GRXCR2: variants seen among roughly 807,000 people sequenced by gnomAD.
GRXCR2 encodes glutaredoxin and cysteine rich domain containing 2.
GRXCR2 carries 23 observed loss-of-function variants against 24.8 expected under a neutral mutation model. The observed-to-expected ratio is 0.93, with a 90% CI of 0.67 to 1.32. The LOEUF is 1.32. Among genes scored for constraint, GRXCR2 ranks in the 40% most tolerant of loss-of-function variants. GRXCR2 has a pLI of 0.00. For synonymous variants in GRXCR2, 130 were observed against 116.1 expected, an observed-to-expected ratio of 1.12 and a Z score of -0.77; for missense variants, 315 against 303.4, an observed-to-expected ratio of 1.04 and a Z score of -0.28.
chr5:145,882,879 G>A (rs1756722882), intron 2 of GRXCR2, among the ~76,000 whole-genome samples: 1 of 152,080 alleles, frequency 6.6e-6, no homozygotes, highest in Non-Finnish European at 1.5e-5. Context: ...GCAGGGACAT[G>A]GATGAAGCTG....
At chr5:145,884,809 C>T (rs546839285) in intron 2 of GRXCR2, among the ~76,000 whole-genome samples, 19 of 152,128 alleles carry the variant, frequency 1.2e-4, no homozygotes, top group Admixed American at 5.2e-4. Context: ...TGCTTTTTTG[C>T]ATTTTCACTT....
chr5:145,924,675 G>A (rs1757366344), intron 2 of GRXCR2, among the ~76,000 whole-genome samples: 1 of 152,156 alleles, frequency 6.6e-6, no homozygotes, highest in Non-Finnish European at 1.5e-5. Context: ...CTCAAGCACT[G>A]GCTGGGATAA....
At chr5:145,857,837 A>G (rs1756263537), downstream of GRXCR2, among the ~76,000 whole-genome samples, 1 of 152,122 alleles carries the variant, frequency 6.6e-6, no homozygotes, top group Non-Finnish European at 1.5e-5. Context: ...ATCCTATCCC[A>G]GCACTTGTCA....
At chr5:145,885,329 G>A (rs991687429) in intron 2 of GRXCR2, among the ~76,000 whole-genome samples, 94 of 152,228 alleles carry the variant, frequency 6.2e-4, no homozygotes, top group African/African-American at 2.3e-3. Flanking sequence ...CTAGGGCAAC[G>A]TTTCAAGAGA....
intron 2 of GRXCR2, among the ~76,000 whole-genome samples, chr5:145,914,969 GA>G (rs1485596257): frequency 2.0e-5 from 3 of 152,196 alleles, no homozygotes; most frequent in African/African-American, 7.2e-5. Context: ...CTTGCATTAG[GA>G]TCACCAGAGG....
chr5:145,911,731 G>A (rs1250194900), intron 2 of GRXCR2, among the ~76,000 whole-genome samples: 1 of 152,176 alleles, frequency 6.6e-6, no homozygotes. Context: ...CACATAGAAT[G>A]TATTCTACTC....
chr5:145,915,279 T>G (rs898230291), intron 2 of GRXCR2, among the ~76,000 whole-genome samples: 5 of 152,188 alleles, frequency 3.3e-5, no homozygotes, highest in East Asian at 1.9e-4. Flanking sequence ...TGGTTATTTT[T>G]GGGTAGTGTT....
chr5:145,883,088 G>A (rs926767568), intron 2 of GRXCR2, among the ~76,000 whole-genome samples: 7 of 151,466 alleles, frequency 4.6e-5, no homozygotes, highest in Admixed American at 1.3e-4. Flanking sequence ...GAGTTAATGG[G>A]TGCAGCAAAC....
chr5:145,862,916 G>C (rs188122401), intron 2 of GRXCR2, among the ~76,000 whole-genome samples: 1 of 152,258 alleles, frequency 6.6e-6, no homozygotes, highest in Admixed American at 6.5e-5. Context: ...CATGGTGCCT[G>C]GCTATCATGA....
chr5:145,889,317 T>C (rs1756829461), intron 2 of GRXCR2, among the ~76,000 whole-genome samples: 1 of 151,930 alleles, frequency 6.6e-6, no homozygotes, highest in African/African-American at 2.4e-5. Flanking sequence ...AGACTACAAA[T>C]AGGGTACAAT....
chr5:145,867,399 C>T (rs1756455844), intron 1 of GRXCR2, among the ~76,000 whole-genome samples: 1 of 152,060 alleles, frequency 6.6e-6, no homozygotes. Context: ...AAAGTATTTC[C>T]CCCCCAAAAA....
chr5:145,897,251 AT>A (rs1756964474), intron 2 of GRXCR2, among the ~76,000 whole-genome samples: 1 of 46,240 alleles, frequency 2.2e-5, no homozygotes, highest in South Asian at 1.3e-3. Context: ...TGTTTGTTAC[AT>A]ACATACATAC....
At chr5:145,889,197 A>AAAGAAAGAAAGAAAGAAAGAAAGAAAGG (rs1561683141) in intron 2 of GRXCR2, among the ~76,000 whole-genome samples, 1 of 148,328 alleles carries the variant, frequency 6.7e-6, no homozygotes, top group African/African-American at 2.5e-5. Context: ...AGAAAGAAAG[A>AAAGAAAGAAAGAAAGAAAGAAAGAAAGG]AAGAAAGAAA....
rs1756899434 is a variant in GRXCR2 at position 145,893,366 on chromosome 5, G to A, written c.-69-26638C>T. ...TCGGATAAAGAGTCAAGACCCATCA[G>A]TGTGTTGTATTCAGGAAACCCATCT... On this transcript the variant is annotated intron_variant, in intron 2 of 3. Transcript: ENST00000639411. Among the ~76,000 whole-genome samples the A allele has an allele frequency of 9.9e-5, 15 of 152,284 alleles. 1 individual carries two copies. In the South Asian group the frequency reaches 2.9e-3, roughly 29 times the overall value.
upstream of GRXCR2, among the ~76,000 whole-genome samples, chr5:145,877,823 A>G (rs1406518239): frequency 6.6e-6 from 1 of 152,228 alleles, no homozygotes; most frequent in African/African-American, 2.4e-5. Context: ...AAGCTTCCAG[A>G]GGAAGGATGA....
At chr5:145,883,279 T>A (rs561514583) in intron 2 of GRXCR2, among the ~76,000 whole-genome samples, 14 of 152,330 alleles carry the variant, frequency 9.2e-5, no homozygotes, top group African/African-American at 3.1e-4. Flanking sequence ...GTGATTTTTA[T>A]GCTTTCTCAC....
intron 2 of GRXCR2, among the ~76,000 whole-genome samples, chr5:145,882,487 A>G (rs1218594566): frequency 6.6e-6 from 1 of 152,158 alleles, no homozygotes; most frequent in African/African-American, 2.4e-5. Context: ...TCTCACACCA[A>G]TTAGAATGGC....
chr5:145,926,842 G>GATTCTTCCTACCCATGAGCATGGAAT (rs1486444128), intron 2 of GRXCR2, among the ~76,000 whole-genome samples: 1 of 152,138 alleles, frequency 6.6e-6, no homozygotes. Flanking sequence ...TCACAATATT[G>GATTCTTCCTACCCATGAGCATGGAAT]ATTCTTCCTA....
chr5:145,859,705 A>G lies in GRXCR2; in HGVS notation c.*28T>C, dbSNP rs1228094131. On this transcript the variant is annotated 3_prime_UTR_variant, in exon 3 of 3. Transcript: ENST00000377976. ...TAGAAATAACTTTAGGGAGGGTAAG[A>G]TAACAGTGGACATGCAAAAGCCACG... The G allele has an allele frequency of 4.3e-6, 7 of 1,610,098 alleles. No homozygotes were observed. The highest frequency in any genetic ancestry group is 5.1e-6 in the Non-Finnish European group (6 of 1,176,512).
Sources: gnomAD v4.1 joint callset for allele counts (sites outside exome capture counted in the v4.1 genomes callset) on GRCh38, gnomAD v4.1.1 for gene constraint, MANE v1.5 for transcripts, NCBI Gene and HGNC (gene_info 2026-07-23, HGNC 2026-07-21) for gene names.